GAB2: variants seen among roughly 807,000 people sequenced by gnomAD.
GAB2 encodes the protein GRB2 associated binding protein 2, also known as GRB2-associated-binding protein 2.
GAB2 carries 26 observed loss-of-function variants against 65.5 expected under a neutral mutation model. The observed-to-expected ratio is 0.40, with a 90% CI of 0.29 to 0.55. GAB2 has a LOEUF of 0.55. GAB2 is among the 20% of genes least tolerant of loss of function. The probability of loss-of-function intolerance (pLI) is 0.53; values close to 1 mark genes in which losing one functional copy is unlikely to be tolerated. For missense variants in GAB2, 884 were observed against 875.8 expected, an observed-to-expected ratio of 1.01 and a Z score of -0.12; for synonymous variants, 321 against 329.6, an observed-to-expected ratio of 0.97 and a Z score of 0.28.
chr11:78,263,962 A>G (rs1048929944), intron 2 of GAB2, among the ~76,000 whole-genome samples: 1 of 151,538 alleles, frequency 6.6e-6, no homozygotes, highest in Non-Finnish European at 1.5e-5. Context: ...ACTTCTGGGT[A>G]TATTTTTCTA....
Position 78,237,966 on chromosome 11 carries a change from G to A in GAB2, c.621-10915C>T, listed in dbSNP as rs150893332. On this transcript the variant is annotated intron_variant, in intron 3 of 9. Transcript: ENST00000361507. The stretch of plus-strand genomic sequence containing the variant: ...ACTACATGTTCTCACTTATAAGTGG[G>A]AGCTGAACAATGAGAACACATGGAC... Among the ~76,000 whole-genome samples, 448 of 152,270 alleles carry A rather than the reference G, an allele frequency of 2.9e-3. 2 individuals are homozygous for A. The highest frequency in any genetic ancestry group is 0.01 in the African/African-American group (432 of 41,562).
intron 5 of GAB2, among the ~76,000 whole-genome samples, chr11:78,224,737 C>T (rs1367848809): frequency 6.6e-6 from 1 of 152,072 alleles, no homozygotes; most frequent in East Asian, 1.9e-4. Flanking sequence ...ACTGTGAGTA[C>T]CACCCTTGCC....
At chr11:78,342,107 C>T (rs1222013521) in intron 1 of GAB2, among the ~76,000 whole-genome samples, 1 of 152,248 alleles carries the variant, frequency 6.6e-6, no homozygotes, top group East Asian at 1.9e-4. Context: ...TCACCACCTT[C>T]TGTGCAAATG....
intron 2 of GAB2, among the ~76,000 whole-genome samples, chr11:78,257,142 G>A (rs997144914): frequency 6.6e-6 from 1 of 152,034 alleles, no homozygotes; most frequent in Non-Finnish European, 1.5e-5. Flanking sequence ...CTCTAGAACA[G>A]GAAAGCTCTG....
intron 2 of GAB2, among the ~76,000 whole-genome samples, chr11:78,256,456 T>G (rs1180522992): frequency 6.6e-6 from 1 of 152,100 alleles, no homozygotes; most frequent in Non-Finnish European, 1.5e-5. Context: ...TCTGCAGGGA[T>G]GTGAAAAAGA....
chr11:78,247,758 G>A lies in GAB2; in HGVS notation c.620+2399C>T, dbSNP rs555601161. On this transcript the variant is annotated intron_variant, in intron 3 of 9. Coordinates refer to ENST00000361507, the MANE Select transcript of GAB2 (RefSeq NM_080491.3). ...TATTACAGTAGGTTTAGCATGATGCGAGCAACTCCACTACTACAAGAAAAT... is the reference window on the plus strand; with the variant it reads ...TATTACAGTAGGTTTAGCATGATGCAAGCAACTCCACTACTACAAGAAAAT... Among the ~76,000 whole-genome samples the A allele has an allele frequency of 4.6e-5, 7 of 152,208 alleles. No homozygotes were observed. The South Asian group carries it at 6.2e-4, about 14-fold the overall frequency.
In GAB2 at chr11:78,364,558, C is replaced by G. The variant is rs971248485; in HGVS notation, c.75+53088G>C. 2.0e-5 allele frequency among the ~76,000 whole-genome samples: 3 copies of G among 152,206 alleles called. No individual in the cohort carries two copies. In the East Asian group the frequency reaches 5.8e-4, roughly 29 times the overall value. On this transcript the variant is annotated intron_variant, in intron 1 of 9. Transcript: ENST00000361507. The stretch of plus-strand genomic sequence containing the variant: ...TCATTACCATTGATTTCATCACCTA[C>G]GAATAGAGCTCAATCCCCATTTTGT...
chr11:78,260,394 A>C (rs545919271), intron 2 of GAB2, among the ~76,000 whole-genome samples: 37 of 152,226 alleles, frequency 2.4e-4, no homozygotes, highest in African/African-American at 7.9e-4. Flanking sequence ...TCCTTTTACA[A>C]CCTTCTTTGG....
rs1011010815 is a variant in GAB2 at position 78,364,985 on chromosome 11, A to AT, written c.75+52660dup. ...TACAAGGGTGGGAATGGCTGCAGTC[A>AT]TTTTTTTTATTTCAACAGGGTTTTG... On this transcript the variant is annotated intron_variant, in intron 1 of 9. Coordinates refer to ENST00000361507, the MANE Select transcript of GAB2 (RefSeq NM_080491.3). 1.4e-3 allele frequency among the ~76,000 whole-genome samples: 211 copies of AT among 151,986 alleles called. 3 individuals are homozygous for AT. Among genetic ancestry groups the AT allele is most frequent in the African/African-American group, 4.2e-3 (174 of 41,468 alleles).
At position 78,230,797 on chromosome 11, in the gene GAB2, C is replaced by T. The variant is rs116422192; in HGVS notation, c.621-3746G>A. 7.9e-3 allele frequency among the ~76,000 whole-genome samples: 1,196 copies of T among 152,340 alleles called. 13 individuals are homozygous for T. Among genetic ancestry groups the T allele is most frequent in the African/African-American group, 0.027 (1,128 of 41,582 alleles). ...GCCAGGTCTCTGGGTGCCCCCACTG[C>T]GCAAACCATGCTAAAATGTGGTCCC... is the stretch of plus-strand genomic sequence containing the variant. On this transcript the variant is annotated intron_variant, in intron 3 of 9. Transcript: ENST00000361507.
At chr11:78,371,111 C>A (rs1257221767) in intron 1 of GAB2, among the ~76,000 whole-genome samples, 1 of 152,202 alleles carries the variant, frequency 6.6e-6, no homozygotes, top group African/African-American at 2.4e-5. Flanking sequence ...AGACTCACCA[C>A]TGAGCAAGCA....
chr11:78,323,540 A>T lies in GAB2; in HGVS notation c.76-42639T>A, dbSNP rs1855765463. On this transcript the variant is annotated intron_variant, in intron 1 of 9. Transcript: ENST00000361507. ...TTCAAAAAAAAAGGAAACGAAACCAAACACCACACTTATAATGTTCTCACT... is the reference window on the plus strand; with the variant it reads ...TTCAAAAAAAAAGGAAACGAAACCATACACCACACTTATAATGTTCTCACT... 1.3e-5 allele frequency among the ~76,000 whole-genome samples: 2 copies of T among 151,958 alleles called. 1 individual carries two copies. The highest frequency in any genetic ancestry group is 1.3e-4 in the Admixed American group (2 of 15,258).
At chr11:78,341,798 G>GTC in intron 1 of GAB2, 1 of 985,992 alleles carries the variant, frequency 1.0e-6, no homozygotes. Context: ...TCCCTCACTT[G>GTC]TCTCTCTATT....
chr11:78,263,324 C>T (rs963038598), intron 2 of GAB2, among the ~76,000 whole-genome samples: 25 of 151,836 alleles, frequency 1.6e-4, no homozygotes, highest in Non-Finnish European at 5.9e-5. Flanking sequence ...TGTTGGTCAG[C>T]ATACAGAATT....
At chr11:78,223,980 G>A (rs1864545918) in intron 5 of GAB2, among the ~76,000 whole-genome samples, 1 of 152,294 alleles carries the variant, frequency 6.6e-6, no homozygotes, top group Admixed American at 6.5e-5. Flanking sequence ...TACTCAGGAG[G>A]CTGAGGCACG....
intron 3 of GAB2, among the ~76,000 whole-genome samples, chr11:78,245,156 G>A (rs939635544): frequency 1.3e-5 from 2 of 152,166 alleles, no homozygotes; most frequent in African/African-American, 4.8e-5. Context: ...CAGGGCCTGA[G>A]GGAAGGGGAA....
intron 1 of GAB2, among the ~76,000 whole-genome samples, chr11:78,323,908 C>T (rs1329826669): frequency 1.4e-5 from 2 of 147,586 alleles, no homozygotes; most frequent in Non-Finnish European, 3.0e-5. Context: ...AGCAATTTTC[C>T]TCCCTCAGCC....
At chr11:78,260,387 T>C (rs1268200967) in intron 2 of GAB2, among the ~76,000 whole-genome samples, 3 of 152,238 alleles carry the variant, frequency 2.0e-5, no homozygotes, top group Non-Finnish European at 4.4e-5. Context: ...TCACACGTCC[T>C]TTTACAACCT....
At chr11:78,373,422 A>G (rs1856596707) in intron 1 of GAB2, among the ~76,000 whole-genome samples, 1 of 152,044 alleles carries the variant, frequency 6.6e-6, no homozygotes, top group South Asian at 2.1e-4. Context: ...ATTTTAGTAG[A>G]GATGGGAGTT....
Sources: gnomAD v4.1 joint callset for allele counts (sites outside exome capture counted in the v4.1 genomes callset) on GRCh38, gnomAD v4.1.1 for gene constraint, MANE v1.5 for transcripts, NCBI Gene and HGNC (gene_info 2026-07-23, HGNC 2026-07-21) for gene names.